The following LTBP1 variants were observed in gnomAD, a reference collection of about 807,000 sequenced individuals.
LTBP1 encodes the protein latent-transforming growth factor beta-binding protein 1.
Under a neutral mutation model 207.6 loss-of-function variants are expected in LTBP1, and 129 were observed. That is an observed-to-expected ratio of 0.62 (90% CI 0.54 to 0.72). The LOEUF is 0.72. Among genes scored for constraint, LTBP1 ranks in the 30% least tolerant of loss-of-function variants. LTBP1 has a pLI of 0.00. For synonymous variants in LTBP1, 963 were observed against 833.7 expected (o/e 1.16, Z -2.67); for missense variants, 2,281 against 2,217.2 (o/e 1.03, Z -0.58).
chr2:32,990,236 A>G (rs1294251038), intron 2 of LTBP1, among the ~76,000 whole-genome samples: 1 of 152,228 alleles, frequency 6.6e-6, no homozygotes, highest in Non-Finnish European at 1.5e-5. Flanking sequence ...TCTGGCCAAT[A>G]AGCTCGTAAA....
At chr2:33,365,235 A>G in intron 30 of LTBP1, 98 bp from the exon 31 acceptor site, 3 of 1,038,878 alleles carry the variant, frequency 2.9e-6, no homozygotes, top group Non-Finnish European at 4.3e-6. Flanking sequence ...CACTCTTAGA[A>G]ATAGAGATGG....
At chr2:33,251,409 C>G (rs2092680097) in intron 10 of LTBP1, among the ~76,000 whole-genome samples, 1 of 152,070 alleles carries the variant, frequency 6.6e-6, no homozygotes, top group South Asian at 2.1e-4. Context: ...GCCTGTAATC[C>G]CAGCACTTTG....
intron 13 of LTBP1, 34 bp from the exon 14 acceptor site, chr2:33,262,688 T>A (rs1164306698): frequency 8.9e-7 from 1 of 1,128,868 alleles, no homozygotes; most frequent in Non-Finnish European, 1.3e-6. Context: ...ATTCTTTTTT[T>A]TTTCTTATTC....
At chr2:32,953,548 A>G (rs1420605381) in intron 2 of LTBP1, among the ~76,000 whole-genome samples, 1 of 152,204 alleles carries the variant, frequency 6.6e-6, no homozygotes, top group African/African-American at 2.4e-5. Flanking sequence ...ACTAGGTCAA[A>G]TATGTGTTCT....
chr2:33,275,115 A>G, intron 17 of LTBP1, 25 bp downstream of exon 17: 1 of 1,612,324 alleles, frequency 6.2e-7, no homozygotes, highest in South Asian at 1.1e-5. Context: ...CTTCCTGCTT[A>G]CAAATTCTTA....
At chr2:32,970,181 T>G (rs1330735396) in intron 2 of LTBP1, among the ~76,000 whole-genome samples, 1 of 152,244 alleles carries the variant, frequency 6.6e-6, no homozygotes, top group Non-Finnish European at 1.5e-5. Flanking sequence ...GTCAGATGCA[T>G]AGTTTGCAAA....
At position 33,149,228 on chromosome 2, in the gene LTBP1, C is replaced by CAAAAAAAAAAAA. The variant is rs58303103; in HGVS notation, c.1201+14284_1201+14295dup. Among the ~76,000 whole-genome samples the CAAAAAAAAAAAA allele has an allele frequency of 5.6e-4, 46 of 82,746 alleles. 1 individual carries two copies. Among genetic ancestry groups the CAAAAAAAAAAAA allele is most frequent in the Admixed American group, 6.9e-4 (4 of 5,758 alleles). 54.3% of individuals were successfully genotyped at this position (82,746 alleles called of 152,430 possible). A position where few individuals can be genotyped will look rare whatever the true frequency, so the allele number is the denominator to read the frequency against. ...AGACTCCGTCTCACTCACAAAAAAA[C>CAAAAAAAAAAAA]AAAAAAAAAAAAAAAAAAAAAAAAA... On this transcript the variant is annotated intron_variant, in intron 5 of 33. Transcript: ENST00000404816.
intron 4 of LTBP1, among the ~76,000 whole-genome samples, chr2:33,120,136 T>C (rs1287926402): frequency 6.7e-6 from 1 of 149,158 alleles, no homozygotes; most frequent in Non-Finnish European, 1.5e-5. Context: ...TATATATGTA[T>C]GATGGCTGTG....
At chr2:32,983,527 A>T (rs112272378) in intron 2 of LTBP1, among the ~76,000 whole-genome samples, 20,735 of 152,138 alleles carry the variant, frequency 0.14, 1,943 homozygotes, top group Non-Finnish European at 0.21. Flanking sequence ...GTGGAATGAT[A>T]TGGTTTGTCT....
At chr2:33,177,309 T>C (rs62146680) in intron 5 of LTBP1, among the ~76,000 whole-genome samples, 4,901 of 152,312 alleles carry the variant, frequency 0.032, 123 homozygotes, top group Non-Finnish European at 0.054. Context: ...AATAAAACTT[T>C]GTGCTTGTGG....
At chr2:33,248,918 A>C (rs370952097) in intron 10 of LTBP1, among the ~76,000 whole-genome samples, 19 of 152,220 alleles carry the variant, frequency 1.2e-4, no homozygotes, top group Middle Eastern at 3.4e-3. Flanking sequence ...CATTTCCCAG[A>C]GTGCCCAGTG....
chr2:33,372,787 C>A (rs2095085694), intron 31 of LTBP1, among the ~76,000 whole-genome samples: 1 of 152,126 alleles, frequency 6.6e-6, no homozygotes, highest in Non-Finnish European at 1.5e-5. Flanking sequence ...TTGCTTGAAC[C>A]CAGGAGGCGG....
At chr2:33,288,449 A>G (rs923943265) in intron 19 of LTBP1, among the ~76,000 whole-genome samples, 3 of 152,202 alleles carry the variant, frequency 2.0e-5, no homozygotes, top group African/African-American at 7.2e-5. Flanking sequence ...CAACGAGACA[A>G]TGAGCCAGGT....
chr2:33,246,165 G>C (rs1429312338), intron 10 of LTBP1, among the ~76,000 whole-genome samples: 1 of 152,210 alleles, frequency 6.6e-6, no homozygotes, highest in East Asian at 1.9e-4. Context: ...AAGTGTTCCA[G>C]TTGAGAGTTC....
At chr2:33,392,125 T>C (rs1380434363) in intron 32 of LTBP1, among the ~76,000 whole-genome samples, 1 of 152,088 alleles carries the variant, frequency 6.6e-6, no homozygotes, top group African/African-American at 2.4e-5. Flanking sequence ...CTTCTAAAAC[T>C]GGAATTTGCT....
chr2:33,195,971 G>A (rs552046815), intron 7 of LTBP1, among the ~76,000 whole-genome samples: 13 of 152,294 alleles, frequency 8.5e-5, no homozygotes, highest in Admixed American at 2.0e-4. Context: ...AGAAGGCTCC[G>A]ATGATTATTA....
At chr2:33,314,446 G>A (rs1294941736) in intron 23 of LTBP1, among the ~76,000 whole-genome samples, 3 of 152,182 alleles carry the variant, frequency 2.0e-5, no homozygotes, top group Admixed American at 2.0e-4. Flanking sequence ...CCACTCGAGA[G>A]GCTGAGGAGA....
At chr2:33,259,843 T>C (rs551680155) in intron 13 of LTBP1, among the ~76,000 whole-genome samples, 1 of 152,290 alleles carries the variant, frequency 6.6e-6, no homozygotes, top group South Asian at 2.1e-4. Context: ...CAAAAATCTC[T>C]ACTTTCATGA....
rs2092893072 is a variant in LTBP1 at position 33,257,400 on chromosome 2, A to G, written c.2284A>G (p.Thr762Ala). 6.2e-7 allele frequency: 1 copy of G among 1,614,178 alleles called. No homozygotes were observed. The highest frequency in any genetic ancestry group is 8.5e-7 in the Non-Finnish European group (1 of 1,180,010). ...ACCTGTATTTGTCAAGCCAAAGAAC[A>G]CTCAACCTGTTGCTAAAAGTACTCA... is the stretch of plus-strand genomic sequence containing the variant. ...KGPVFVKPKNTQPVAKSTHPP... is the reference protein window; with the variant it reads ...KGPVFVKPKNAQPVAKSTHPP... The change falls in exon 12 of 34, where the codon ACT (threonine) becomes GCT (alanine). Residue 762 changes from threonine to alanine, a missense_variant. Thr to Ala is a moderately conservative substitution (Grantham distance 58). Transcript: ENST00000404816.
Sources: allele counts gnomAD v4.1 joint callset (sites outside exome capture counted in the v4.1 genomes callset), GRCh38; gene constraint gnomAD v4.1.1; transcripts MANE v1.5; gene names NCBI Gene and HGNC (gene_info 2026-07-23, HGNC 2026-07-21).